ZNF717: variants seen among roughly 807,000 people sequenced by gnomAD.
ZNF717 encodes krueppel-like factor X17.
Under a neutral mutation model 13.8 loss-of-function variants are expected in ZNF717, and 9 were observed. That is an observed-to-expected ratio of 0.65 (90% CI 0.39 to 1.14). The LOEUF (loss-of-function observed/expected upper bound fraction) is 1.14, where lower values mean the gene tolerates loss of function less well. Ranked by LOEUF, ZNF717 falls within the 50% of genes most tolerant of loss-of-function variation. ZNF717 has a pLI of 0.01. For missense variants in ZNF717, 1,040 were observed against 1,080.7 expected (o/e 0.96, Z 0.53); for synonymous variants, 327 against 364.1 (o/e 0.90, Z 1.16).
At chr3:75,712,894 C>T (rs7634716) in intron 5 of ZNF717, among the ~76,000 whole-genome samples, 59,062 of 151,494 alleles carry the variant, frequency 0.39, 11,749 homozygotes, top group South Asian at 0.6. Flanking sequence ...ATTTCTTATA[C>T]ATTTTTTCTT....
intron 2 of ZNF717, among the ~76,000 whole-genome samples, chr3:75,778,658 G>A (rs1274094962): frequency 6.6e-5 from 10 of 151,780 alleles, no homozygotes; most frequent in Admixed American, 6.6e-4. Flanking sequence ...AACAATGGGA[G>A]TGACGTGCTA....
chr3:75,727,511 T>TG (rs1379558577), downstream of ZNF717, among the ~76,000 whole-genome samples: 2 of 150,776 alleles, frequency 1.3e-5, no homozygotes, highest in African/African-American at 4.9e-5. Flanking sequence ...AATGCATTCC[T>TG]GGGGGTAGGT....
chr3:75,767,374 G>A (rs991273162), intron 2 of ZNF717, among the ~76,000 whole-genome samples: 5 of 152,250 alleles, frequency 3.3e-5, no homozygotes, highest in Admixed American at 6.5e-5. Context: ...CAAAAAACAA[G>A]TAATAATGAG....
At chr3:75,782,288 C>T (rs1944879100) in intron 2 of ZNF717, among the ~76,000 whole-genome samples, 1 of 152,192 alleles carries the variant, frequency 6.6e-6, no homozygotes, top group Admixed American at 6.5e-5. Flanking sequence ...TTTGAACAGG[C>T]TGCTGCACAC....
chr3:75,704,663 G>A (rs558591772), downstream of ZNF717, among the ~76,000 whole-genome samples: 52 of 152,398 alleles, frequency 3.4e-4, no homozygotes, highest in African/African-American at 1.3e-3. Flanking sequence ...TTTTTGGACT[G>A]TCCACCTTCC....
chr3:75,751,881 A>C (rs1575838706), intron 2 of ZNF717, among the ~76,000 whole-genome samples: 1 of 149,492 alleles, frequency 6.7e-6, no homozygotes, highest in Non-Finnish European at 1.5e-5. Context: ...CTACGATGGT[A>C]TGAATGATTT....
chr3:75,741,444 T>G (rs1436055135), intron 3 of ZNF717, 76 bp from the exon 4 acceptor site: 2 of 1,383,466 alleles, frequency 1.4e-6, no homozygotes, highest in African/African-American at 2.9e-5. Flanking sequence ...CAGCTGGGCT[T>G]CAGGGACTGT....
intron 2 of ZNF717, among the ~76,000 whole-genome samples, chr3:75,764,546 A>C (rs1230969142): frequency 6.6e-6 from 1 of 152,210 alleles, no homozygotes; most frequent in Non-Finnish European, 1.5e-5. Context: ...GAGATAAATG[A>C]TCATGACCAA....
intron 2 of ZNF717, among the ~76,000 whole-genome samples, chr3:75,777,505 T>C (rs62269665): frequency 6.7e-5 from 9 of 134,016 alleles, no homozygotes; most frequent in South Asian, 2.5e-4. Flanking sequence ...ATGGGAGTGA[T>C]GTGCTAAAAC....
At chr3:75,778,408 GGGAGTGATGTGCTAAAACCGGAACCCAAA>G (rs1213955347) in intron 2 of ZNF717, among the ~76,000 whole-genome samples, 1 of 149,752 alleles carries the variant, frequency 6.7e-6, no homozygotes, top group Non-Finnish European at 1.5e-5. Flanking sequence ...CCAAAACAAT[GGGAGTGATGTGCTAAAACCGGAACCCAAA>G]ACAATGGGAG....
At chr3:75,727,687 G>T (rs1282996872), downstream of ZNF717, among the ~76,000 whole-genome samples, 17 of 152,342 alleles carry the variant, frequency 1.1e-4, no homozygotes, top group Admixed American at 9.8e-4. Flanking sequence ...TTCCTGTTAA[G>T]ATGTTTATCA....
chr3:75,748,541 C>G (rs1575814879), intron 2 of ZNF717, among the ~76,000 whole-genome samples: 1 of 152,234 alleles, frequency 6.6e-6, no homozygotes, highest in South Asian at 2.1e-4. Flanking sequence ...TCAACACATG[C>G]AAATCAATAA....
intron 2 of ZNF717, among the ~76,000 whole-genome samples, chr3:75,743,852 A>G (rs1338048798): frequency 6.6e-6 from 1 of 152,272 alleles, no homozygotes; most frequent in East Asian, 1.9e-4. Flanking sequence ...TACGATAACC[A>G]GAAGTGACAC....
chr3:75,754,348 A>G (rs193243048), intron 2 of ZNF717, among the ~76,000 whole-genome samples: 8 of 151,140 alleles, frequency 5.3e-5, no homozygotes, highest in Admixed American at 5.2e-4. Context: ...GCATACTAAA[A>G]GGCAAAAAAA....
intron 2 of ZNF717, among the ~76,000 whole-genome samples, chr3:75,755,646 G>GT (rs1942404913): frequency 6.6e-6 from 1 of 152,150 alleles, no homozygotes; most frequent in Non-Finnish European, 1.5e-5. Flanking sequence ...CAGTGGGATA[G>GT]TGTTATATGA....
intron 4 of ZNF717, among the ~76,000 whole-genome samples, chr3:75,719,777 T>C (rs1258446313): frequency 6.6e-6 from 1 of 151,960 alleles, no homozygotes; most frequent in African/African-American, 2.4e-5. Context: ...GCCAACATGA[T>C]GAAACCCCGT....
chr3:75,710,242 T>G (rs1937903287), exon 6 of ZNF717: 1 of 152,270 alleles, frequency 6.6e-6, no homozygotes, highest in Non-Finnish European at 1.5e-5. Flanking sequence ...TAACCTAGGC[T>G]TACAGACAAC....
Position 75,737,900 on chromosome 3 carries a change from T to G in ZNF717, c.1723A>C (p.Lys575Gln), listed in dbSNP as rs1385390523. ...CNECGKSFHC[K>Q]SFLTIHQRTH... is the part of the protein sequence containing the mutation. ...CTCTGATGTATAGTTAGGAATGACTTACAGTGAAAGGATTTTCCACATTCA... is the reference window on the plus strand; with the variant it reads ...CTCTGATGTATAGTTAGGAATGACTGACAGTGAAAGGATTTTCCACATTCA... The change falls in exon 5 of 5, where the codon AAG becomes CAG. Residue 575 changes from lysine to glutamine, a missense_variant. By Grantham distance (53) the Lys-to-Gln change is moderately conservative (BLOSUM62 1). Coordinates refer to ENST00000652011, the MANE Select transcript of ZNF717 (RefSeq NM_001290208.3). 5 of 1,548,186 alleles carry G rather than the reference T, an allele frequency of 3.2e-6. No individual in the cohort carries two copies. The highest frequency in any genetic ancestry group is 4.4e-6 in the Non-Finnish European group (5 of 1,144,556).
chr3:75,759,278 A>ACTTTTTT (rs1942766203), intron 2 of ZNF717, among the ~76,000 whole-genome samples: 1 of 121,692 alleles, frequency 8.2e-6, no homozygotes, highest in African/African-American at 2.9e-5. Context: ...TGGTCATCTA[A>ACTTTTTT]TTTTTTTTTT....
Sources: gnomAD v4.1 joint callset for allele counts (sites outside exome capture counted in the v4.1 genomes callset) on GRCh38, gnomAD v4.1.1 for gene constraint, MANE v1.5 for transcripts, NCBI Gene and HGNC (gene_info 2026-07-23, HGNC 2026-07-21) for gene names.